MYPN: variants seen among roughly 807,000 people sequenced by gnomAD.
MYPN encodes the protein myopalladin, also known as sarcomeric protein myopalladin, 145 kDa (MYOP).
Under a neutral mutation model 129.4 loss-of-function variants are expected in MYPN, and 63 were observed. The ratio of observed to expected loss-of-function variants is 0.49; its 90% CI spans 0.40 to 0.60. The LOEUF is 0.60. Ranked by LOEUF, MYPN falls within the 20% of genes least tolerant of loss-of-function variation. The pLI, the probability that MYPN is intolerant of heterozygous loss-of-function variation, is 0.00. For synonymous variants in MYPN, 629 were observed against 600.9 expected (o/e 1.05, Z -0.68); for missense variants, 1,596 against 1,635.4 (o/e 0.98, Z 0.42).
At chr10:68,125,453 T>C (rs999418538) in intron 2 of MYPN, among the ~76,000 whole-genome samples, 1 of 152,198 alleles carries the variant, frequency 6.6e-6, no homozygotes, top group African/African-American at 2.4e-5. Flanking sequence ...GAGTAGACTA[T>C]TAGCTGCCAT....
chr10:68,198,965 A>G (rs2043659345), intron 16 of MYPN, among the ~76,000 whole-genome samples: 3 of 151,858 alleles, frequency 2.0e-5, no homozygotes, highest in African/African-American at 4.8e-5. Context: ...CGTGTTCTGC[A>G]CATGTATCCT....
intron 12 of MYPN, among the ~76,000 whole-genome samples, chr10:68,182,362 CATAT>C (rs1260703720): frequency 1.7e-5 from 2 of 118,740 alleles, no homozygotes; most frequent in African/African-American, 6.2e-5. Context: ...ATATATAACA[CATAT>C]ATATAACATA....
chr10:68,198,884 G>A (rs2043657691), intron 16 of MYPN, among the ~76,000 whole-genome samples: 2 of 152,096 alleles, frequency 1.3e-5, no homozygotes, highest in East Asian at 1.9e-4. Context: ...GGTGAGGGGA[G>A]GGAACTTAGA....
upstream of MYPN, among the ~76,000 whole-genome samples, chr10:68,102,479 G>T (rs1344625362): frequency 2.0e-5 from 3 of 152,094 alleles, no homozygotes; most frequent in Non-Finnish European, 2.9e-5. Context: ...CACAAAAAAT[G>T]AGTCTTTGTA....
intron 16 of MYPN, 87 bp downstream of exon 16, chr10:68,197,565 G>T (rs554667416): frequency 5.6e-5 from 74 of 1,313,628 alleles, no homozygotes; most frequent in African/African-American, 4.2e-4. Context: ...TGTTTTGTGG[G>T]TTTTTTTTTT....
chr10:68,136,231 G>A (rs1264479168), intron 2 of MYPN: 1 of 986,192 alleles, frequency 1.0e-6, no homozygotes, highest in Non-Finnish European at 1.2e-6. Flanking sequence ...AGCCAAATGA[G>A]CAGATCTGGC....
Position 68,189,137 on chromosome 10 carries a change from T to C in MYPN, c.2925+11T>C. 2 of 1,608,890 alleles carry C rather than the reference T, an allele frequency of 1.2e-6. No homozygotes were observed. Among genetic ancestry groups the C allele is most frequent in the Non-Finnish European group, 1.7e-6 (2 of 1,175,454 alleles). On this transcript the variant is annotated intron_variant, in intron 13 of 19. Transcript: ENST00000358913. ...ATACCTGTTCCAAAGGTAGGGAAGA[T>C]GACAAGCCAGTTGGCCACCTCACAG...
intron 10 of MYPN, among the ~76,000 whole-genome samples, chr10:68,173,584 T>TTATG (rs1171857654): frequency 1.3e-5 from 1 of 74,848 alleles, no homozygotes; most frequent in Non-Finnish European, 3.1e-5. Context: ...TTTTATTTAT[T>TTATG]TATTTATTTA....
intron 18 of MYPN, among the ~76,000 whole-genome samples, chr10:68,202,218 G>T (rs528185487): frequency 6.6e-6 from 1 of 152,288 alleles, no homozygotes; most frequent in South Asian, 2.1e-4. Flanking sequence ...GGATCACGAG[G>T]TCAGGAGATC....
intron 15 of MYPN, among the ~76,000 whole-genome samples, chr10:68,197,049 T>A (rs988257603): frequency 6.6e-6 from 1 of 152,202 alleles, no homozygotes; most frequent in South Asian, 2.1e-4. Flanking sequence ...GGCTTTTGAA[T>A]AACTGGTCGA....
chr10:68,190,008 C>T (rs1047427448), intron 13 of MYPN, among the ~76,000 whole-genome samples: 1 of 151,696 alleles, frequency 6.6e-6, no homozygotes, highest in African/African-American at 2.4e-5. Flanking sequence ...GAGGGTTCCC[C>T]TTTCTCCGCA....
chr10:68,124,982 A>T (rs1478853894), intron 2 of MYPN, among the ~76,000 whole-genome samples: 1 of 152,188 alleles, frequency 6.6e-6, no homozygotes. Context: ...TCCAGTTGTG[A>T]TATACACAAA....
At chr10:68,117,602 G>C (rs1264992258) in intron 1 of MYPN, among the ~76,000 whole-genome samples, 2 of 152,094 alleles carry the variant, frequency 1.3e-5, no homozygotes, top group Non-Finnish European at 2.9e-5. Context: ...ACAAAGATCT[G>C]AAGTCAACAC....
At chr10:68,134,151 C>T (rs373541724) in intron 2 of MYPN, among the ~76,000 whole-genome samples, 2 of 152,158 alleles carry the variant, frequency 1.3e-5, no homozygotes, top group South Asian at 2.1e-4. Flanking sequence ...TCAAGATGTT[C>T]GTTTGTTCAT....
At chr10:68,105,669 AT>A (rs1295860089), upstream of MYPN, among the ~76,000 whole-genome samples, 1 of 152,250 alleles carries the variant, frequency 6.6e-6, no homozygotes. Context: ...TAAAGCTTTA[AT>A]TTAATCACCT....
At chr10:68,192,209 A>G (rs553534784) in intron 13 of MYPN, among the ~76,000 whole-genome samples, 3 of 152,224 alleles carry the variant, frequency 2.0e-5, no homozygotes. Flanking sequence ...TATTATAAAG[A>G]GGTGCCGAAT....
chr10:68,166,219 CTT>C, intron 9 of MYPN, 73 bp from the exon 10 acceptor site: 1 of 1,571,880 alleles, frequency 6.4e-7, no homozygotes, highest in Non-Finnish European at 8.7e-7. Flanking sequence ...GGTGTGAACA[CTT>C]TCCCATTTGT....
chr10:68,201,802 A>G, intron 17 of MYPN, 27 bp from the exon 18 acceptor site: 1 of 1,611,908 alleles, frequency 6.2e-7, no homozygotes, highest in East Asian at 2.2e-5. Flanking sequence ...AAAGAAAGAA[A>G]AAAAGAATGA....
chr10:68,126,763 G>T (rs532783325), intron 2 of MYPN, among the ~76,000 whole-genome samples: 82 of 152,262 alleles, frequency 5.4e-4, no homozygotes, highest in Non-Finnish European at 1.1e-3. Context: ...GTTTGTGGAG[G>T]AGGTCGATGG....
Sources: gnomAD v4.1 joint callset for allele counts (sites outside exome capture counted in the v4.1 genomes callset) on GRCh38, gnomAD v4.1.1 for gene constraint, MANE v1.5 for transcripts, NCBI Gene and HGNC (gene_info 2026-07-23, HGNC 2026-07-21) for gene names.